The following ANK1 variants were observed in gnomAD, a reference collection of about 807,000 sequenced individuals.
The protein encoded by ANK1 is ankyrin-1.
In ANK1, 51 loss-of-function variants were observed where a neutral mutation model predicts 210.4. The ratio of observed to expected loss-of-function variants is 0.24; its 90% CI spans 0.19 to 0.31. ANK1 has a LOEUF of 0.31. Ranked by LOEUF, ANK1 falls within the 10% of genes least tolerant of loss-of-function variation. ANK1 has a pLI of 1.00. For missense variants in ANK1, 2,051 were observed against 2,504.4 expected, an observed-to-expected ratio of 0.82 and a Z score of 3.86; for synonymous variants, 967 against 1,025.9, an observed-to-expected ratio of 0.94 and a Z score of 1.10.
At chr8:41,850,639 C>A (rs369170566) in intron 1 of ANK1, among the ~76,000 whole-genome samples, 1 of 152,126 alleles carries the variant, frequency 6.6e-6, no homozygotes, top group Non-Finnish European at 1.5e-5. Flanking sequence ...AGCCACCACA[C>A]CCAGATAATT....
At chr8:41,777,134 C>A (rs750140263) in intron 1 of ANK1, among the ~76,000 whole-genome samples, 21 of 152,206 alleles carry the variant, frequency 1.4e-4, no homozygotes, top group Non-Finnish European at 2.5e-4. Flanking sequence ...CCCTCAGCTG[C>A]ATTTCTTTCT....
chr8:41,736,324 A>T (rs1833400831), intron 2 of ANK1, among the ~76,000 whole-genome samples: 1 of 152,002 alleles, frequency 6.6e-6, no homozygotes, highest in South Asian at 2.1e-4. Context: ...GCATCTTGCA[A>T]CTCTTTTCTG....
intron 1 of ANK1, among the ~76,000 whole-genome samples, chr8:41,790,840 G>A (rs10958699): frequency 0.34 from 51,231 of 152,086 alleles, 8,904 homozygotes; most frequent in Middle Eastern, 0.46. Flanking sequence ...AAATCACGCC[G>A]TGTAGACAGA....
chr8:41,678,492 A>G (rs1376316054), intron 37 of ANK1, among the ~76,000 whole-genome samples: 1 of 152,192 alleles, frequency 6.6e-6, no homozygotes, highest in African/African-American at 2.4e-5. Flanking sequence ...GGGAACTGTA[A>G]TTTCACATAT....
chr8:41,723,023 T>C (rs1180282201), intron 9 of ANK1, 102 bp downstream of exon 9: 12 of 1,008,216 alleles, frequency 1.2e-5, no homozygotes, highest in South Asian at 5.2e-5. Context: ...TCTCATCTAG[T>C]AGTATTAGCA....
intron 1 of ANK1, among the ~76,000 whole-genome samples, chr8:41,826,630 T>TA (rs1302262199): frequency 2.0e-5 from 3 of 152,182 alleles, no homozygotes; most frequent in African/African-American, 7.2e-5. Flanking sequence ...AAATAGGAAA[T>TA]ACCAAAAAGT....
chr8:41,766,457 C>T (rs1841807396), intron 1 of ANK1, among the ~76,000 whole-genome samples: 1 of 152,230 alleles, frequency 6.6e-6, no homozygotes. Context: ...CCCAGTCTGA[C>T]TACCATTGGC....
At chr8:41,800,474 T>C (rs945320849), upstream of ANK1, among the ~76,000 whole-genome samples, 1 of 152,150 alleles carries the variant, frequency 6.6e-6, no homozygotes, top group Non-Finnish European at 1.5e-5. Flanking sequence ...AGTTCACAGT[T>C]AGACAATATA....
At chr8:41,798,126 G>A (rs1436669174), upstream of ANK1, among the ~76,000 whole-genome samples, 4 of 152,006 alleles carry the variant, frequency 2.6e-5, no homozygotes, top group Non-Finnish European at 5.9e-5. Context: ...GAGCAGTCGG[G>A]GAGCGCTGAG....
At chr8:41,872,013 A>C (rs898702389) in intron 1 of ANK1, among the ~76,000 whole-genome samples, 5 of 152,182 alleles carry the variant, frequency 3.3e-5, no homozygotes, top group African/African-American at 1.2e-4. Context: ...GCCCTGGATG[A>C]GTTTATTATT....
intron 1 of ANK1, among the ~76,000 whole-genome samples, chr8:41,878,738 C>T (rs922081963): frequency 7.9e-5 from 12 of 152,232 alleles, no homozygotes; most frequent in East Asian, 1.9e-4. Flanking sequence ...GGTTGTCCAC[C>T]GATAAAGCCA....
intron 1 of ANK1, among the ~76,000 whole-genome samples, chr8:41,778,047 T>C (rs1386680474): frequency 6.6e-6 from 1 of 152,214 alleles, no homozygotes; most frequent in Non-Finnish European, 1.5e-5. Context: ...AAAGTCTCAA[T>C]GCAAAAATTC....
At chr8:41,772,051 T>C (rs1586842261) in intron 1 of ANK1, among the ~76,000 whole-genome samples, 1 of 152,136 alleles carries the variant, frequency 6.6e-6, no homozygotes, top group Non-Finnish European at 1.5e-5. Context: ...AAGTGGCTCC[T>C]CTCTACAGGG....
chr8:41,826,240 C>T (rs113786768), intron 1 of ANK1, among the ~76,000 whole-genome samples: 1,734 of 152,256 alleles, frequency 0.011, 20 homozygotes, highest in Non-Finnish European at 0.018. Context: ...GAAAAGGCTA[C>T]TCTGGCCCAT....
At chr8:41,665,427 T>C in intron 39 of ANK1, 1 of 500,984 alleles carries the variant, frequency 2.0e-6, no homozygotes, top group Non-Finnish European at 3.2e-6. Flanking sequence ...CGCTGCTGCC[T>C]AACCCCGCCC....
chr8:41,883,295 C>T (rs1817914430), intron 1 of ANK1, among the ~76,000 whole-genome samples: 1 of 152,192 alleles, frequency 6.6e-6, no homozygotes, highest in African/African-American at 2.4e-5. Context: ...CACTCATATG[C>T]CTTGCAGTCT....
At chr8:41,829,029 A>C (rs971145815) in intron 1 of ANK1, 2 of 152,266 alleles carry the variant, frequency 1.3e-5, no homozygotes, top group Non-Finnish European at 2.9e-5. Context: ...ATTAATAAAT[A>C]AATCCTAGTC....
Position 41,694,216 on chromosome 8 carries a change from C to A in ANK1, c.3328-114G>T. ...CGTCAGTGCACGGGGTCCCGCCCTG[C>A]TGTTGGACCACAGAACCGACACGGT... On this transcript the variant is annotated intron_variant, in intron 28 of 42. Coordinates refer to ENST00000289734, the MANE Select transcript of ANK1 (RefSeq NM_000037.4). This position sits in a 1 kb window ranked among gnomAD's most constrained non-coding sequence, Gnocchi z 5.7. 1 of 1,143,046 alleles carries A rather than the reference C, an allele frequency of 8.7e-7. No homozygotes were observed. Among genetic ancestry groups the A allele is most frequent in the Non-Finnish European group, 1.2e-6 (1 of 802,660 alleles). 70.8% of individuals were successfully genotyped at this position (1,143,046 alleles called of 1,614,324 possible). A position where few individuals can be genotyped will look rare whatever the true frequency, so the allele number is the denominator to read the frequency against.
At chr8:41,670,365 C>T (rs181951951) in intron 38 of ANK1, among the ~76,000 whole-genome samples, 2 of 152,108 alleles carry the variant, frequency 1.3e-5, no homozygotes, top group Admixed American at 1.3e-4. Flanking sequence ...CAGGAAGTGA[C>T]AAAATAGGCC....
Sources: allele counts gnomAD v4.1 joint callset (sites outside exome capture counted in the v4.1 genomes callset), GRCh38; gene constraint gnomAD v4.1.1; non-coding constraint Gnocchi (gnomAD v3.1); transcripts MANE v1.5; gene names NCBI Gene and HGNC (gene_info 2026-07-23, HGNC 2026-07-21).